Variants in ROBO2 observed in about 807,000 individuals in gnomAD.
The protein encoded by ROBO2 is roundabout guidance receptor 2.
A neutral mutation model predicts 160.8 loss-of-function variants in ROBO2; 53 were observed. The observed-to-expected ratio is 0.33, with a 90% CI of 0.26 to 0.41. ROBO2 has a LOEUF of 0.41. Ranked by LOEUF, ROBO2 falls within the 10% of genes least tolerant of loss-of-function variation. The pLI, the probability that ROBO2 is intolerant of heterozygous loss-of-function variation, is 1.00. For missense variants in ROBO2, 1,577 were observed against 1,722.4 expected, an observed-to-expected ratio of 0.92 and a Z score of 1.49; for synonymous variants, 664 against 611.7, an observed-to-expected ratio of 1.09 and a Z score of -1.26.
In ROBO2 at chr3:76,904,822, C is replaced by T. The variant is rs565323844; in HGVS notation, c.110-193192C>T. Among the ~76,000 whole-genome samples, 39 of 152,260 alleles carry T rather than the reference C, an allele frequency of 2.6e-4. No individual in the cohort carries two copies. The South Asian group carries it at 8.1e-3, about 32-fold the overall frequency. On this transcript the variant is annotated intron_variant, in intron 2 of 26. Coordinates refer to the ROBO2 transcript ENST00000487694. ...CCCAAAACATAAAGCTCTTATTTGC[C>T]TCTATGATACCACCATCTTTTATTT...
intron 2 of ROBO2, among the ~76,000 whole-genome samples, chr3:76,356,084 A>G (rs925824805): frequency 1.3e-5 from 2 of 151,826 alleles, no homozygotes; most frequent in African/African-American, 4.8e-5. Flanking sequence ...TGATATTTAA[A>G]GAAATATTTA....
At chr3:77,490,253 A>G (rs2085925729) in intron 4 of ROBO2, among the ~76,000 whole-genome samples, 1 of 151,318 alleles carries the variant, frequency 6.6e-6, no homozygotes, top group African/African-American at 2.4e-5. Flanking sequence ...GGTGCCCGCC[A>G]CCGCCCCAGC....
intron 2 of ROBO2, among the ~76,000 whole-genome samples, chr3:76,241,267 G>A (rs1232614532): frequency 1.3e-5 from 2 of 151,898 alleles, no homozygotes; most frequent in Non-Finnish European, 1.5e-5. Context: ...AAGGACATGG[G>A]GAAATAAAAA....
At position 76,853,395 on chromosome 3, in the gene ROBO2, G is replaced by A. The variant is rs147352641; in HGVS notation, c.110-244619G>A. Among the ~76,000 whole-genome samples, 941 of 152,132 alleles carry A rather than the reference G, an allele frequency of 6.2e-3. 8 individuals carry two copies. Among genetic ancestry groups the A allele is most frequent in the African/African-American group, 0.022 (909 of 41,542 alleles). ...AGACTTGTTCTAAGTAATGACTAGA[G>A]TCTTTCTGTGTATATGGTTTGAGGT... On this transcript the variant is annotated intron_variant, in intron 2 of 26. Coordinates refer to the ROBO2 transcript ENST00000487694.
chr3:76,774,208 G>T (rs965022070), intron 2 of ROBO2, among the ~76,000 whole-genome samples: 1 of 150,912 alleles, frequency 6.6e-6, no homozygotes, highest in Non-Finnish European at 1.5e-5. Flanking sequence ...TGAGTCGACT[G>T]TGTATTTCTA....
chr3:76,427,205 T>C lies in ROBO2; in HGVS notation c.109+489603T>C, dbSNP rs574436045. 3.4e-4 allele frequency among the ~76,000 whole-genome samples: 52 copies of C among 152,240 alleles called. No homozygotes were observed. In the South Asian group the frequency reaches 9.5e-3, roughly 28 times the overall value. ...CATCGGGGCTATTTCCACTACTGTGTTCTGGCTTTCTGACATTTATTATGC... is the reference window on the plus strand; with the variant it reads ...CATCGGGGCTATTTCCACTACTGTGCTCTGGCTTTCTGACATTTATTATGC... On this transcript the variant is annotated intron_variant, in intron 2 of 26. Coordinates refer to the ROBO2 transcript ENST00000487694.
intron 2 of ROBO2, among the ~76,000 whole-genome samples, chr3:77,213,471 T>G (rs2084473815): frequency 6.6e-6 from 1 of 152,168 alleles, no homozygotes; most frequent in South Asian, 2.1e-4. Context: ...TTCTCTCTTT[T>G]CTTTTTTATT....
At chr3:75,975,022 T>G (rs867448935) in intron 2 of ROBO2, among the ~76,000 whole-genome samples, 1 of 150,570 alleles carries the variant, frequency 6.6e-6, no homozygotes, top group Non-Finnish European at 1.5e-5. Flanking sequence ...ACTATAATAA[T>G]CTTTTTCACA....
intron 2 of ROBO2, among the ~76,000 whole-genome samples, chr3:76,420,794 A>G (rs1195569027): frequency 6.6e-6 from 1 of 152,230 alleles, no homozygotes; most frequent in East Asian, 1.9e-4. Flanking sequence ...AGTATTAACA[A>G]TTCTAACTGA....
At chr3:77,335,951 A>T (rs529589156) in intron 2 of ROBO2, among the ~76,000 whole-genome samples, 2 of 152,294 alleles carry the variant, frequency 1.3e-5, no homozygotes, top group East Asian at 3.9e-4. Context: ...TAAATGTTGA[A>T]ATTGTCATAA....
chr3:76,410,052 C>A (rs901898526), intron 2 of ROBO2, among the ~76,000 whole-genome samples: 14 of 152,172 alleles, frequency 9.2e-5, no homozygotes, highest in African/African-American at 2.9e-4. Flanking sequence ...TTTTCGCATG[C>A]ATGTTTTGTC....
At chr3:76,611,281 G>A (rs1248459095) in intron 2 of ROBO2, among the ~76,000 whole-genome samples, 2 of 152,112 alleles carry the variant, frequency 1.3e-5, no homozygotes, top group Non-Finnish European at 2.9e-5. Flanking sequence ...CTAGGAATTT[G>A]TCTGTCTCCT....
chr3:76,162,752 C>T (rs1577107728), intron 2 of ROBO2, among the ~76,000 whole-genome samples: 1 of 152,082 alleles, frequency 6.6e-6, no homozygotes, highest in Middle Eastern at 3.4e-3. Context: ...AAGTACATAT[C>T]GATTCCAAAA....
chr3:77,566,189 G>T (rs1017586285), intron 12 of ROBO2, among the ~76,000 whole-genome samples: 7 of 151,968 alleles, frequency 4.6e-5, no homozygotes, highest in African/African-American at 1.7e-4. Context: ...TAAAGGAATC[G>T]ACTGAAATAA....
intron 2 of ROBO2, among the ~76,000 whole-genome samples, chr3:76,029,559 C>T (rs1307894862): frequency 6.6e-6 from 1 of 151,928 alleles, no homozygotes; most frequent in Admixed American, 6.6e-5. Flanking sequence ...ATGTTCCCCA[C>T]CCAGTGTTCA....
chr3:76,604,930 T>G (rs900760259), intron 2 of ROBO2, among the ~76,000 whole-genome samples: 1 of 152,108 alleles, frequency 6.6e-6, no homozygotes, highest in Non-Finnish European at 1.5e-5. Flanking sequence ...ACAGCAAAGG[T>G]TGAACAAGAG....
At chr3:76,231,604 C>T (rs1704625553) in intron 2 of ROBO2, among the ~76,000 whole-genome samples, 1 of 152,268 alleles carries the variant, frequency 6.6e-6, no homozygotes, top group East Asian at 1.9e-4. Context: ...TTTTTCTCTA[C>T]GTCCTTCAAC....
chr3:77,095,568 A>T (rs1359896726), intron 1 of ROBO2, among the ~76,000 whole-genome samples: 10 of 152,076 alleles, frequency 6.6e-5, no homozygotes, highest in Non-Finnish European at 1.5e-4. Context: ...GTGCATAGGG[A>T]GATTCATGGA....
intron 2 of ROBO2, among the ~76,000 whole-genome samples, chr3:77,116,518 A>G (rs1179993098): frequency 3.9e-5 from 6 of 152,102 alleles, no homozygotes; most frequent in Non-Finnish European, 1.5e-5. Context: ...CTCCTTCTCC[A>G]TTACTGTCCT....
Sources: gnomAD v4.1 joint callset for allele counts (sites outside exome capture counted in the v4.1 genomes callset) on GRCh38, gnomAD v4.1.1 for gene constraint, MANE v1.5 for transcripts, NCBI Gene and HGNC (gene_info 2026-07-23, HGNC 2026-07-21) for gene names.